The following PTPRN variants were observed in gnomAD, a reference collection of about 807,000 sequenced individuals.
The protein encoded by PTPRN is protein tyrosine phosphatase receptor type N.
Under a neutral mutation model 108.5 loss-of-function variants are expected in PTPRN, and 70 were observed. The observed-to-expected ratio is 0.65, with a 90% CI of 0.53 to 0.79. The LOEUF (loss-of-function observed/expected upper bound fraction) is 0.79, where lower values mean the gene tolerates loss of function less well. Ranked by LOEUF, PTPRN falls within the 30% of genes least tolerant of loss-of-function variation. The pLI is 0.00. For synonymous variants in PTPRN, 496 were observed against 524.6 expected, an observed-to-expected ratio of 0.95 and a Z score of 0.75; for missense variants, 1,136 against 1,295.5, an observed-to-expected ratio of 0.88 and a Z score of 1.89.
intron 1 of PTPRN, 42 bp downstream of exon 1, chr2:219,309,176 T>TA: frequency 1.0e-5 from 14 of 1,364,320 alleles, no homozygotes; most frequent in Admixed American, 2.1e-5. Context: ...CCCAAGCTGC[T>TA]CCCCGCCCCC....
In PTPRN at chr2:219,296,653, GGGTT is replaced by G; in HGVS notation, c.2310+92_2310+95del. The G allele has an allele frequency of 6.4e-7, 1 of 1,561,698 alleles. No individual in the cohort carries two copies. Among genetic ancestry groups the G allele is most frequent in the Non-Finnish European group, 8.8e-7 (1 of 1,139,936 alleles). On this transcript the variant is annotated intron_variant, in intron 16 of 22. Transcript: ENST00000295718. This position sits in a 1 kb window ranked among gnomAD's most constrained non-coding sequence, Gnocchi z 6.0. ...GGATATCAGGCCCCACCACTCCAGG[GGGTT>G]GGTGGGGTGGCAGGTGACCACGGGG...
In PTPRN at chr2:219,302,261, C is replaced by A; in HGVS notation, c.870G>T (p.Arg290Ser). ...YLAQELPAPSRARVPRLPEQG... is the reference protein window; with the variant it reads ...YLAQELPAPSSARVPRLPEQG... Reference sequence around the variant, plus strand: ...GCTCTGGCAGCCTTGGCACCCTGGCCCTGCTGGGTGCTGGCAACTCCTGGG... The same window carrying A: ...GCTCTGGCAGCCTTGGCACCCTGGCACTGCTGGGTGCTGGCAACTCCTGGG... The change falls in exon 6 of 23, where the codon AGG becomes AGT. Residue 290 changes from arginine to serine, a missense_variant. Transcript: ENST00000295718. 1.2e-6 allele frequency: 2 copies of A among 1,614,186 alleles called. No individual in the cohort carries two copies. The highest frequency in any genetic ancestry group is 1.7e-6 in the Non-Finnish European group (2 of 1,180,022).
intron 19 of PTPRN, among the ~76,000 whole-genome samples, chr2:219,293,338 G>C (rs1952095653): frequency 6.6e-6 from 1 of 152,100 alleles, no homozygotes; most frequent in Non-Finnish European, 1.5e-5. Flanking sequence ...TCGCCACCCT[G>C]CCTGGCTAAT....
chr2:219,302,143 G>T lies in PTPRN; in HGVS notation c.988C>A (p.Gln330Lys), dbSNP rs759342814. 4.4e-6 allele frequency: 7 copies of T among 1,579,630 alleles called. No homozygotes were observed. In the Admixed American group the frequency reaches 7.0e-5, roughly 16 times the overall value. Reference protein sequence around the residue: ...RGEKPASPAVQPDAALQRLAA... With the variant: ...RGEKPASPAVKPDAALQRLAA... ...ATGCTGAGGACCTTGTTACCTGGCT[G>T]CACAGCTGGGGAAGCAGGCTTCTCT... The change falls in exon 6 of 23, where the codon CAG (glutamine) becomes AAG (lysine). Residue 330 changes from glutamine to lysine, a missense_variant. Coordinates refer to ENST00000295718, the MANE Select transcript of PTPRN (RefSeq NM_002846.4).
Position 219,296,785 on chromosome 2 carries a change from G to A in PTPRN, c.2274C>T (p.Ser758=). 1 of 1,614,038 alleles carries A rather than the reference G, an allele frequency of 6.2e-7. No homozygotes were observed. The highest frequency in any genetic ancestry group is 2.2e-5 in the East Asian group (1 of 44,868). The change falls in exon 16 of 23, where the codon AGC becomes AGT. Residue 758 remains serine (S), a synonymous_variant. Transcript: ENST00000295718. This position sits in a 1 kb window ranked among gnomAD's most constrained non-coding sequence, Gnocchi z 6.0. ...HARIKLKVES[S]PSRSDYINAS... is the part of the protein sequence containing the mutation. ...CGTTGATGTAATCGCTCCGAGAAGG[G>A]CTGCTCTCCACCTTCAGTTTTATGC...
rs752175505 is a variant in PTPRN, at chr2:219,300,076, T to C, written c.1345A>G (p.Ser449Gly). ...GTGGGCTGGCTCTGGCCCAGTGGGC[T>C]TTTCTTCTCTAGCAGGACAGGTGTC... is the stretch of plus-strand genomic sequence containing the variant. ...PVTPVLLEKKSPLGQSQPTVA... is the reference protein window; with the variant it reads ...PVTPVLLEKKGPLGQSQPTVA... The change falls in exon 9 of 23, where the codon AGC (serine) becomes GGC (glycine). Residue 449 changes from serine to glycine, a missense_variant. Physicochemically the swap from Ser to Gly is moderately conservative, Grantham distance 56. Transcript: ENST00000295718. The C allele has an allele frequency of 6.2e-7, 1 of 1,614,188 alleles. No homozygotes were observed. Among genetic ancestry groups the C allele is most frequent in the Non-Finnish European group, 8.5e-7 (1 of 1,180,032 alleles).
In PTPRN at chr2:219,290,776, G is replaced by T. The variant is rs375434033; in HGVS notation, c.2794+50C>A. 11 of 1,576,240 alleles carry T rather than the reference G, an allele frequency of 7.0e-6. No individual in the cohort carries two copies. The highest frequency in any genetic ancestry group is 9.6e-6 in the Non-Finnish European group (11 of 1,145,786). ...CTCCCAGGACCCTGTGTGCTGGGGA[G>T]CCTCTAAAAAGGGCCTGGGGGCTGC... On this transcript the variant is annotated intron_variant, in intron 21 of 22. Coordinates refer to ENST00000295718, the MANE Select transcript of PTPRN (RefSeq NM_002846.4). This position sits in a 1 kb window ranked among gnomAD's most constrained non-coding sequence, Gnocchi z 4.2.
intron 2 of PTPRN, 97 bp downstream of exon 2, chr2:219,307,695 A>C: frequency 6.6e-7 from 1 of 1,509,262 alleles, no homozygotes; most frequent in Non-Finnish European, 9.2e-7. Flanking sequence ...TCTCAAGCCC[A>C]GTAGCCCTCT....
At chr2:219,295,187 C>G in intron 18 of PTPRN, 46 bp from the exon 19 acceptor site, 1 of 1,582,768 alleles carries the variant, frequency 6.3e-7, no homozygotes, top group Non-Finnish European at 8.6e-7. Flanking sequence ...CTGCCCCAGT[C>G]CCCGCGTTGC....
intron 3 of PTPRN, among the ~76,000 whole-genome samples, chr2:219,305,245 A>AT (rs201878055): frequency 0.066 from 9,052 of 136,252 alleles, 851 homozygotes; most frequent in African/African-American, 0.21. Context: ...CCTGGTCCTC[A>AT]TTTTTTTTTT....
rs1175198428 is a variant in PTPRN, at chr2:219,298,889, A to G, written c.1668+158T>C. 3 of 796,132 alleles carry G rather than the reference A, an allele frequency of 3.8e-6. No homozygotes were observed. In the East Asian group the frequency reaches 7.3e-5, roughly 19 times the overall value. The allele number at this position is 796,132 out of a possible 1,614,324, so 49.3% of individuals were successfully genotyped here. ...CCTACGCCATCTGCTGGTGAGAAAGAGAACTGCGGGGAGGGGCTGCTTGGG... is the reference window on the plus strand; with the variant it reads ...CCTACGCCATCTGCTGGTGAGAAAGGGAACTGCGGGGAGGGGCTGCTTGGG... On this transcript the variant is annotated intron_variant, in intron 12 of 22. Transcript: ENST00000295718.
rs769554114 is a variant in PTPRN, at chr2:219,301,604, AC to A, written c.1109del (p.Gly370ValfsTer10). 1.2e-6 allele frequency: 2 copies of A among 1,608,042 alleles called. No homozygotes were observed. The highest frequency in any genetic ancestry group is 4.5e-5 in the East Asian group (2 of 44,724). ...LLTLLQLLPKGAGRNPGGVVN... is the reference protein window; with the variant it reads ...LLTLLQLLPKXAGRNPGGVVN... ...GACACTTACCCGGATTTCTTCCTGC[AC>A]CCTTGGGCAGTAGCTGCAGCAGGGT... On this transcript the variant is annotated frameshift_variant, in exon 7 of 23. Coordinates refer to ENST00000295718, the MANE Select transcript of PTPRN (RefSeq NM_002846.4). LOFTEE classifies it high-confidence loss of function.
In PTPRN at chr2:219,307,757, C is replaced by T. The variant is rs145751723; in HGVS notation, c.166+35G>A. The T allele has an allele frequency of 1.0e-3, 1,650 of 1,609,866 alleles. 12 individuals are homozygous for T. In the African/African-American group the frequency reaches 0.018, roughly 18 times the overall value. Reference sequence around the variant, plus strand: ...TTGTTTTTTATTGCCCCTCTCCCCCCGATCTTGTGAGTTCTATGCTTGGGC... The same window carrying T: ...TTGTTTTTTATTGCCCCTCTCCCCCTGATCTTGTGAGTTCTATGCTTGGGC... On this transcript the variant is annotated intron_variant, in intron 2 of 22. Coordinates refer to ENST00000295718, the MANE Select transcript of PTPRN (RefSeq NM_002846.4).
At chr2:219,308,734 C>A (rs1952547643) in intron 1 of PTPRN, 2 of 975,232 alleles carry the variant, frequency 2.1e-6, no homozygotes, top group African/African-American at 1.7e-5. Context: ...CTGCAATCAG[C>A]TTCTCTAGGC....
At chr2:219,298,501 T>C (rs1164926402) in intron 12 of PTPRN, among the ~76,000 whole-genome samples, 1 of 151,954 alleles carries the variant, frequency 6.6e-6, no homozygotes, top group Non-Finnish European at 1.5e-5. Flanking sequence ...GATCGGGAGT[T>C]CGAGACCAGC....
At position 219,291,362 on chromosome 2, in the gene PTPRN, T is replaced by C. The variant is rs184364241; in HGVS notation, c.2729+108A>G. The C allele has an allele frequency of 5.5e-5, 69 of 1,247,894 alleles. No homozygotes were observed. The African/African-American group carries it at 9.0e-4, about 16-fold the overall frequency. 77.3% of individuals were successfully genotyped at this position (1,247,894 alleles called of 1,614,324 possible). A position where few individuals can be genotyped will look rare whatever the true frequency, so the allele number is the denominator to read the frequency against. On this transcript the variant is annotated intron_variant, in intron 20 of 22. Coordinates refer to ENST00000295718, the MANE Select transcript of PTPRN (RefSeq NM_002846.4). Reference sequence around the variant, plus strand: ...CATTAAAAACAGGTGGTGTGCTGGATTTGGACTATGCCTGCAGTTTGCTAG... The same window carrying C: ...CATTAAAAACAGGTGGTGTGCTGGACTTGGACTATGCCTGCAGTTTGCTAG...
intron 20 of PTPRN, among the ~76,000 whole-genome samples, chr2:219,291,182 G>A (rs546167615): frequency 1.3e-5 from 2 of 152,208 alleles, no homozygotes; most frequent in Non-Finnish European, 1.5e-5. Flanking sequence ...GGAGGGAATT[G>A]GATGGGCCTC....
At chr2:219,294,493 AGACGGAGAGGGATGAAGGAGG>A (rs138820838) in intron 19 of PTPRN, among the ~76,000 whole-genome samples, 6 of 143,552 alleles carry the variant, frequency 4.2e-5, no homozygotes, top group South Asian at 2.2e-4. Context: ...AGAGGCGAAG[AGACGGAGAGGGATGAAGGAGG>A]GACGGAGAGG....
In PTPRN at chr2:219,296,141, C is replaced by G; in HGVS notation, c.2508+85G>C. On this transcript the variant is annotated intron_variant, in intron 18 of 22. Coordinates refer to ENST00000295718, the MANE Select transcript of PTPRN (RefSeq NM_002846.4). The surrounding 1 kb of genome is among the most constrained non-coding windows in gnomAD (Gnocchi z 6.0). Reference sequence around the variant, plus strand: ...GCCTTTTTAAAAAGACTGTTGAGTGCTCATTTGGTGAAGAAAACGTTACGA... The same window carrying G: ...GCCTTTTTAAAAAGACTGTTGAGTGGTCATTTGGTGAAGAAAACGTTACGA... 6.3e-7 allele frequency: 1 copy of G among 1,582,300 alleles called. No individual in the cohort carries two copies. Among genetic ancestry groups the G allele is most frequent in the Non-Finnish European group, 8.7e-7 (1 of 1,154,622 alleles).
Sources: gnomAD v4.1 joint callset for allele counts (sites outside exome capture counted in the v4.1 genomes callset) on GRCh38, gnomAD v4.1.1 for gene constraint, Gnocchi (gnomAD v3.1) non-coding constraint, MANE v1.5 for transcripts, NCBI Gene and HGNC (gene_info 2026-07-23, HGNC 2026-07-21) for gene names.